The following CNNM2 variants were observed in gnomAD, a reference collection of about 807,000 sequenced individuals.
The protein encoded by CNNM2 is cyclin and CBS domain divalent metal cation transport mediator 2, also known as metal transporter CNNM2.
CNNM2 carries 12 observed loss-of-function variants against 66.9 expected under a neutral mutation model. The observed-to-expected ratio is 0.18, with a 90% confidence interval of 0.11 to 0.29. CNNM2 has a LOEUF of 0.29. Ranked by LOEUF, CNNM2 falls within the 10% of genes least tolerant of loss-of-function variation. CNNM2 has a pLI of 1.00. For missense variants in CNNM2, 705 were observed against 1,167.7 expected, an observed-to-expected ratio of 0.60 and a Z score of 5.77; for synonymous variants, 557 against 501.8, an observed-to-expected ratio of 1.11 and a Z score of -1.47.
chr10:103,077,096 C>A lies in CNNM2; in HGVS notation c.2544C>A (p.Asp848Glu), dbSNP rs35647154. Residue 848 changes from aspartate to glutamate, a missense_variant, in exon 8 of 8, where the codon GAC becomes GAA. This residue lies in a region of CNNM2 where 194 missense variants were observed against 227.6 expected (regional missense o/e 0.85). Coordinates refer to ENST00000369878, the MANE Select transcript of CNNM2 (RefSeq NM_017649.5). ...TLTELHDGLP[D>E]ETANLLNEQN... ...CGGAGCTGCATGACGGGTTGCCAGA[C>A]GAGACAGCCAACCTGCTCAACGAAC... 8 of 1,613,956 alleles carry A rather than the reference C, an allele frequency of 5.0e-6. No individual in the cohort carries two copies. The highest frequency in any genetic ancestry group is 6.8e-6 in the Non-Finnish European group (8 of 1,179,886).
chr10:102,930,297 A>G (rs1846021449), intron 1 of CNNM2, among the ~76,000 whole-genome samples: 1 of 152,240 alleles, frequency 6.6e-6, no homozygotes, highest in Non-Finnish European at 1.5e-5. Context: ...ATATATGTAT[A>G]CACTGGAAGG....
intron 1 of CNNM2, among the ~76,000 whole-genome samples, chr10:102,973,689 A>G (rs2063581924): frequency 1.3e-5 from 2 of 152,142 alleles, no homozygotes. Flanking sequence ...AAACAACTGT[A>G]ACAGAAAGTT....
At chr10:102,962,321 C>T (rs759911473) in intron 1 of CNNM2, among the ~76,000 whole-genome samples, 23 of 152,164 alleles carry the variant, frequency 1.5e-4, no homozygotes, top group East Asian at 7.7e-4. Flanking sequence ...ATCCTGGAAA[C>T]GTAAAATAAA....
chr10:103,033,511 A>G (rs1386566543), intron 1 of CNNM2, among the ~76,000 whole-genome samples: 1 of 151,090 alleles, frequency 6.6e-6, no homozygotes, highest in African/African-American at 2.4e-5. Context: ...GGTTTTTTTT[A>G]AAAAGCTTCT....
rs777634946 is a variant in CNNM2, at chr10:102,918,860, G to A, written c.380G>A (p.Arg127His). Residue 127 changes from arginine (R) to histidine (H), a missense_variant, in exon 1 of 8, where the codon CGC becomes CAC. Coordinates refer to ENST00000369878, the MANE Select transcript of CNNM2 (RefSeq NM_017649.5). This position sits in a 1 kb window ranked among gnomAD's most constrained non-coding sequence, Gnocchi z 4.1. ...RIAFTEHERR[R>H]HSPGERGLGG... ...GCCTTCACCGAGCACGAGCGGCGGC[G>A]CCACAGCCCGGGGGAGCGCGGGCTG... 1.8e-5 allele frequency: 28 copies of A among 1,598,248 alleles called. 1 individual carries two copies. The South Asian group carries it at 3.1e-4, about 18-fold the overall frequency.
chr10:103,032,172 G>A (rs149817263), intron 1 of CNNM2, among the ~76,000 whole-genome samples: 1 of 152,260 alleles, frequency 6.6e-6, no homozygotes, highest in Non-Finnish European at 1.5e-5. Flanking sequence ...ATTAGGGGCC[G>A]GGTACGGTGA....
intron 1 of CNNM2, among the ~76,000 whole-genome samples, chr10:103,048,507 C>T (rs1348496312): frequency 2.6e-5 from 4 of 152,164 alleles, no homozygotes; most frequent in African/African-American, 9.7e-5. Context: ...TGAGCCACCG[C>T]ACCCAGCTAA....
intron 1 of CNNM2, among the ~76,000 whole-genome samples, chr10:102,941,254 T>A (rs1280551324): frequency 1.4e-5 from 2 of 146,908 alleles, no homozygotes; most frequent in Non-Finnish European, 1.5e-5. Context: ...TGATATTGTC[T>A]TTATTTTATT....
chr10:103,032,647 CAATT>C lies in CNNM2; in HGVS notation c.1622-17059_1622-17056del, dbSNP rs1252372066. On this transcript the variant is annotated intron_variant, in intron 1 of 7. Transcript: ENST00000369878. ...TTTTTTTTAGAGTAGCCTTTCATAA[CAATT>C]GATGTAGCTCTTTTTTTTTTTTTTT... 2.1e-5 allele frequency among the ~76,000 whole-genome samples: 3 copies of C among 140,034 alleles called. No individual in the cohort carries two copies. In the East Asian group the frequency reaches 6.2e-4, roughly 29 times the overall value. 91.9% of individuals were successfully genotyped at this position (140,034 alleles called of 152,430 possible).
intron 1 of CNNM2, among the ~76,000 whole-genome samples, chr10:102,996,831 T>G (rs1035768410): frequency 6.6e-6 from 1 of 152,232 alleles, no homozygotes; most frequent in Non-Finnish European, 1.5e-5. Flanking sequence ...TCTCATGGCC[T>G]TTCTTCCACG....
chr10:102,922,478 T>C (rs1217211314), intron 1 of CNNM2, among the ~76,000 whole-genome samples: 1 of 152,194 alleles, frequency 6.6e-6, no homozygotes, highest in African/African-American at 2.4e-5. Context: ...ACCTTTTATT[T>C]TTCTCTACTG....
intron 1 of CNNM2, among the ~76,000 whole-genome samples, chr10:102,991,992 T>C (rs2063906642): frequency 6.6e-6 from 1 of 152,206 alleles, no homozygotes; most frequent in African/African-American, 2.4e-5. Context: ...TTATAGCTTT[T>C]CTCTATATAC....
At chr10:102,990,308 A>G (rs1590358073) in intron 1 of CNNM2, among the ~76,000 whole-genome samples, 1 of 152,280 alleles carries the variant, frequency 6.6e-6, no homozygotes, top group African/African-American at 2.4e-5. Flanking sequence ...TAGACAGGAC[A>G]CACTGGCTAC....
At chr10:103,071,455 C>T (rs1277092159) in intron 5 of CNNM2, among the ~76,000 whole-genome samples, 2 of 152,186 alleles carry the variant, frequency 1.3e-5, no homozygotes, top group Non-Finnish European at 2.9e-5. Context: ...CCCTTTTGCG[C>T]AGCTACTGGT....
At chr10:102,945,543 C>G (rs1276123532) in intron 1 of CNNM2, among the ~76,000 whole-genome samples, 1 of 152,002 alleles carries the variant, frequency 6.6e-6, no homozygotes, top group Non-Finnish European at 1.5e-5. Context: ...CCTGCTCCCC[C>G]CACTCCATCC....
At chr10:103,069,510 A>G (rs2134361132) in intron 5 of CNNM2, among the ~76,000 whole-genome samples, 1 of 152,264 alleles carries the variant, frequency 6.6e-6, no homozygotes, top group African/African-American at 2.4e-5. Context: ...CTGAGGACGA[A>G]TGAGGTTGTT....
At chr10:103,041,490 C>G (rs868098605) in intron 1 of CNNM2, among the ~76,000 whole-genome samples, 1 of 152,080 alleles carries the variant, frequency 6.6e-6, no homozygotes, top group Non-Finnish European at 1.5e-5. Context: ...TAATGACAGG[C>G]CTTTTCTCTG....
At chr10:103,045,219 T>C (rs2065107110) in intron 1 of CNNM2, among the ~76,000 whole-genome samples, 1 of 152,254 alleles carries the variant, frequency 6.6e-6, no homozygotes, top group Non-Finnish European at 1.5e-5. Context: ...TGACTTGACC[T>C]GATGCAGTGT....
At chr10:103,038,292 ACT>A in intron 1 of CNNM2, among the ~76,000 whole-genome samples, 1 of 152,202 alleles carries the variant, frequency 6.6e-6, no homozygotes, top group African/African-American at 2.4e-5. Context: ...TTCTGGTCTT[ACT>A]GCATGGAGAT....
Sources: allele counts gnomAD v4.1 joint callset (sites outside exome capture counted in the v4.1 genomes callset), GRCh38; gene constraint gnomAD v4.1.1; regional missense constraint gnomAD v4.1.1; non-coding constraint Gnocchi (gnomAD v3.1); transcripts MANE v1.5; gene names NCBI Gene and HGNC (gene_info 2026-07-23, HGNC 2026-07-21).